Variants in KCNH7 observed in about 807,000 individuals in gnomAD.
The protein encoded by KCNH7 is potassium voltage-gated channel subfamily H member 7.
A neutral mutation model predicts 120.8 loss-of-function variants in KCNH7; 49 were observed. The observed-to-expected ratio is 0.41, with a 90% CI of 0.32 to 0.51. The LOEUF (loss-of-function observed/expected upper bound fraction) is 0.51. KCNH7 is among the 20% of genes least tolerant of loss of function. KCNH7 has a pLI of 0.38. For synonymous variants in KCNH7, 547 were observed against 516.1 expected (o/e 1.06, Z -0.81); for missense variants, 1,097 against 1,446.6 (o/e 0.76, Z 3.92).
At chr2:162,587,963 A>C (rs752515556) in intron 2 of KCNH7, among the ~76,000 whole-genome samples, 3 of 152,154 alleles carry the variant, frequency 2.0e-5, no homozygotes, top group Non-Finnish European at 4.4e-5. Flanking sequence ...CGCATTTCCC[A>C]GGAAACAGCC....
intron 2 of KCNH7, among the ~76,000 whole-genome samples, chr2:162,727,212 T>C (rs184416415): frequency 1.7e-4 from 26 of 152,334 alleles, no homozygotes; most frequent in African/African-American, 6.3e-4. Context: ...ACATACAAAA[T>C]TCTTAGAATA....
chr2:162,660,683 G>T (rs567587365), intron 2 of KCNH7, among the ~76,000 whole-genome samples: 62 of 152,034 alleles, frequency 4.1e-4, no homozygotes, highest in Non-Finnish European at 7.6e-4. Flanking sequence ...TGTTAGATTT[G>T]TTCAAAAACT....
chr2:162,569,706 T>C (rs2105895925), intron 2 of KCNH7, among the ~76,000 whole-genome samples: 1 of 152,234 alleles, frequency 6.6e-6, no homozygotes, highest in Non-Finnish European at 1.5e-5. Flanking sequence ...TTTGAATGCA[T>C]CCCATAGATT....
intron 2 of KCNH7, among the ~76,000 whole-genome samples, chr2:162,802,621 T>C (rs1684390251): frequency 6.6e-6 from 1 of 151,750 alleles, no homozygotes; most frequent in Non-Finnish European, 1.5e-5. Flanking sequence ...AGCAAAAATG[T>C]AAAAATAAAC....
intron 2 of KCNH7, among the ~76,000 whole-genome samples, chr2:162,628,667 C>G (rs1683645555): frequency 6.6e-6 from 1 of 152,014 alleles, no homozygotes; most frequent in Admixed American, 6.6e-5. Flanking sequence ...TCATTTAGCT[C>G]CCACTTATAC....
intron 15 of KCNH7, among the ~76,000 whole-genome samples, chr2:162,372,783 T>C (rs1173400046): frequency 1.3e-5 from 2 of 152,170 alleles, no homozygotes; most frequent in Non-Finnish European, 2.9e-5. Flanking sequence ...GTTTAACTAA[T>C]TAAGACTAAT....
chr2:162,803,316 C>A (rs1352024339), intron 2 of KCNH7, among the ~76,000 whole-genome samples: 3 of 151,738 alleles, frequency 2.0e-5, no homozygotes, highest in Admixed American at 2.0e-4. Context: ...GAAAGTAATT[C>A]TGGATTAGCT....
intron 2 of KCNH7, among the ~76,000 whole-genome samples, chr2:162,738,067 C>CAAAAAA (rs58433565): frequency 5.4e-5 from 3 of 55,990 alleles, no homozygotes; most frequent in Admixed American, 2.2e-4. Flanking sequence ...GACTTCATAT[C>CAAAAAA]AAAAAAAAAA....
chr2:162,399,636 T>A lies in KCNH7; in HGVS notation c.2407+553A>T, dbSNP rs1687013206. Among the ~76,000 whole-genome samples, 2 of 151,914 alleles carry A rather than the reference T, an allele frequency of 1.3e-5. 1 individual carries two copies. Among genetic ancestry groups the A allele is most frequent in the South Asian group, 4.1e-4 (2 of 4,834 alleles). ...CCAAACCAGTTGAAGTTATGACTAATTTAATCTCTTCATCACTTCTATCAC... is the reference window on the plus strand; with the variant it reads ...CCAAACCAGTTGAAGTTATGACTAAATTAATCTCTTCATCACTTCTATCAC... On this transcript the variant is annotated intron_variant, in intron 10 of 15. Transcript: ENST00000332142.
At chr2:162,621,999 C>T (rs1683379876) in intron 2 of KCNH7, among the ~76,000 whole-genome samples, 1 of 152,128 alleles carries the variant, frequency 6.6e-6, no homozygotes, top group Admixed American at 6.5e-5. Flanking sequence ...AAAGAATATT[C>T]AGTCTAATTT....
chr2:162,657,144 A>G (rs575820329), intron 2 of KCNH7, among the ~76,000 whole-genome samples: 1 of 152,334 alleles, frequency 6.6e-6, no homozygotes, highest in South Asian at 2.1e-4. Flanking sequence ...GGATGAACCT[A>G]CATTGATGTA....
chr2:162,442,342 A>G (rs550873994), intron 7 of KCNH7, among the ~76,000 whole-genome samples: 1 of 151,910 alleles, frequency 6.6e-6, no homozygotes, highest in Non-Finnish European at 1.5e-5. Flanking sequence ...TGTCTTCTTT[A>G]GTAAAAACGT....
chr2:162,443,145 C>A (rs553734568), intron 7 of KCNH7, among the ~76,000 whole-genome samples: 1 of 151,644 alleles, frequency 6.6e-6, no homozygotes, highest in African/African-American at 2.4e-5. Context: ...TTAACAGATC[C>A]ACACAGAAAA....
intron 2 of KCNH7, among the ~76,000 whole-genome samples, chr2:162,665,699 A>T (rs1343148800): frequency 6.6e-6 from 1 of 152,054 alleles, no homozygotes; most frequent in Non-Finnish European, 1.5e-5. Context: ...AATCTTGATC[A>T]CTCTCTACTT....
chr2:162,540,475 T>C (rs16846856), intron 2 of KCNH7, among the ~76,000 whole-genome samples: 29,007 of 152,080 alleles, frequency 0.19, 4,933 homozygotes, highest in African/African-American at 0.45. Flanking sequence ...TGGTGGCGTA[T>C]ACCTAGTTGC....
rs79600877 is a variant in KCNH7, at chr2:162,679,455, A to C, written c.308-142375T>G. Among the ~76,000 whole-genome samples the C allele has an allele frequency of 2.6e-5, 4 of 151,608 alleles. No individual in the cohort carries two copies. In the South Asian group the frequency reaches 8.3e-4, roughly 31 times the overall value. On this transcript the variant is annotated intron_variant, in intron 2 of 15. Coordinates refer to ENST00000332142, the MANE Select transcript of KCNH7 (RefSeq NM_033272.4). ...TGCTTTTGGGAAGAGGGATTATTAA[A>C]CCTTTAAAAACTCCTAAAGTTAAGA...
chr2:162,819,772 A>C lies in KCNH7; in HGVS notation c.307+16765T>G, dbSNP rs1193156736. On this transcript the variant is annotated intron_variant, in intron 2 of 15. Transcript: ENST00000332142. ...TAGTGAACAAGAATAAATGGCTCCT[A>C]AACTAAGAGTATAATGTGCTATTCT... is the stretch of plus-strand genomic sequence containing the variant. 3.3e-5 allele frequency among the ~76,000 whole-genome samples: 5 copies of C among 152,350 alleles called. No homozygotes were observed. The East Asian group carries it at 9.7e-4, about 29-fold the overall frequency.
intron 8 of KCNH7, 30 bp from the exon 9 acceptor site, chr2:162,423,565 G>A (rs1348647116): frequency 6.3e-7 from 1 of 1,594,286 alleles, no homozygotes; most frequent in African/African-American, 1.3e-5. Context: ...AAGTTATCGG[G>A]GAAACTGCAC....
intron 2 of KCNH7, among the ~76,000 whole-genome samples, chr2:162,639,552 G>A (rs1574205918): frequency 6.6e-6 from 1 of 152,094 alleles, no homozygotes; most frequent in South Asian, 2.1e-4. Context: ...TACCTGGCCT[G>A]TTATGGAAAT....
Sources: gnomAD v4.1 joint callset for allele counts (sites outside exome capture counted in the v4.1 genomes callset) on GRCh38, gnomAD v4.1.1 for gene constraint, MANE v1.5 for transcripts, NCBI Gene and HGNC (gene_info 2026-07-23, HGNC 2026-07-21) for gene names.